The following ADGRV1 variants were observed in gnomAD, a reference collection of about 807,000 sequenced individuals.
ADGRV1 encodes the protein G-protein coupled receptor 98.
ADGRV1 carries 359 observed loss-of-function variants against 596.2 expected under a neutral mutation model. The ratio of observed to expected loss-of-function variants is 0.60; its 90% CI spans 0.55 to 0.66. ADGRV1 has a LOEUF of 0.66. Ranked by LOEUF, ADGRV1 falls within the 30% of genes least tolerant of loss-of-function variation. The pLI, the probability that ADGRV1 is intolerant of heterozygous loss-of-function variation, is 0.00. For missense variants in ADGRV1, 7,274 were observed against 7,575.6 expected (o/e 0.96, Z 1.48); for synonymous variants, 2,681 against 2,679.2 (o/e 1.00, Z -0.02).
At position 90,691,028 on chromosome 5, in the gene ADGRV1, C is replaced by T. The variant is rs199571511; in HGVS notation, c.6938C>T (p.Pro2313Leu). 1.5e-4 allele frequency: 236 copies of T among 1,613,298 alleles called. No homozygotes were observed. The highest frequency in any genetic ancestry group is 1.7e-4 in the Non-Finnish European group (204 of 1,179,576). Residue 2313 changes from proline to leucine, a missense_variant, in exon 31 of 90, where the codon CCG (proline) becomes CTG (leucine). Pro to Leu is a moderately conservative substitution (Grantham distance 98). Coordinates refer to ENST00000405460, the MANE Select transcript of ADGRV1 (RefSeq NM_032119.4). ...TTAGAGGTCCTGGCTGACGACGTTC[C>T]GGAGATTGAAGAGGTGAGAGGACTG... ...LLLEVLADDV[P>L]EIEEVIQVQL...
intron 85 of ADGRV1, among the ~76,000 whole-genome samples, chr5:91,069,046 ACT>A (rs1175889626): frequency 2.6e-5 from 4 of 152,126 alleles, no homozygotes; most frequent in Non-Finnish European, 5.9e-5. Flanking sequence ...CAGGGAAAGG[ACT>A]CTCTATTCAA....
intron 84 of ADGRV1, among the ~76,000 whole-genome samples, chr5:90,977,044 G>A (rs1255780334): frequency 6.6e-6 from 1 of 152,134 alleles, no homozygotes; most frequent in African/African-American, 2.4e-5. Flanking sequence ...TGGTAGAAAG[G>A]CTACTTAGTG....
At chr5:90,735,239 C>T (rs1388367388) in intron 50 of ADGRV1, among the ~76,000 whole-genome samples, 3 of 152,156 alleles carry the variant, frequency 2.0e-5, no homozygotes, top group African/African-American at 7.2e-5. Context: ...ATGTGGATAT[C>T]CAATTTTCTC....
At chr5:90,895,015 A>G (rs1403221111) in intron 83 of ADGRV1, among the ~76,000 whole-genome samples, 2 of 151,870 alleles carry the variant, frequency 1.3e-5, no homozygotes, top group East Asian at 3.9e-4. Flanking sequence ...TGTAGCCTCG[A>G]CTTTCTGAGC....
intron 85 of ADGRV1, among the ~76,000 whole-genome samples, chr5:91,043,433 G>T (rs1268993416): frequency 6.6e-6 from 1 of 152,082 alleles, no homozygotes; most frequent in Admixed American, 6.6e-5. Flanking sequence ...ACATTGCTCA[G>T]TGCCCAGCCC....
intron 1 of ADGRV1, among the ~76,000 whole-genome samples, chr5:90,579,923 G>C (rs1463596292): frequency 6.6e-6 from 1 of 152,062 alleles, no homozygotes; most frequent in Admixed American, 6.6e-5. Flanking sequence ...TCAGAGACTA[G>C]GATTGCAACC....
At chr5:90,754,927 A>G in intron 54 of ADGRV1, 56 bp from the exon 55 acceptor site, 1 of 1,247,222 alleles carries the variant, frequency 8.0e-7, no homozygotes, top group Non-Finnish European at 1.2e-6. Flanking sequence ...GGTCCTTGTA[A>G]CAGCATTGAC....
intron 52 of ADGRV1, among the ~76,000 whole-genome samples, chr5:90,747,072 A>G (rs938817830): frequency 6.6e-6 from 1 of 152,096 alleles, no homozygotes; most frequent in African/African-American, 2.4e-5. Flanking sequence ...GAGGGAGTGG[A>G]GGTTGTATGT....
At chr5:90,971,517 A>G (rs564396378) in intron 84 of ADGRV1, among the ~76,000 whole-genome samples, 14 of 152,350 alleles carry the variant, frequency 9.2e-5, no homozygotes, top group East Asian at 3.9e-4. Flanking sequence ...CAGAAACTCT[A>G]CAAGCCAGAA....
At chr5:90,677,999 G>A (rs777859051) in intron 25 of ADGRV1, among the ~76,000 whole-genome samples, 12 of 152,192 alleles carry the variant, frequency 7.9e-5, no homozygotes, top group Non-Finnish European at 1.6e-4. Context: ...CTGAATAGAT[G>A]TCTTACGCTA....
rs76851519 is a variant in ADGRV1, at chr5:91,146,735, A to C, written c.18433-3295A>C. On this transcript the variant is annotated intron_variant, in intron 87 of 89. Coordinates refer to ENST00000405460, the MANE Select transcript of ADGRV1 (RefSeq NM_032119.4). ...AAATAAGTGAAATAGATGGGAAAAT[A>C]TGGTACTTTTTTGGAAGTTAAGAAG... 9.0e-3 allele frequency among the ~76,000 whole-genome samples: 1,370 copies of C among 152,382 alleles called. 6 individuals are homozygous for C. Among genetic ancestry groups the C allele is most frequent in the Non-Finnish European group, 0.015 (1,007 of 68,040 alleles).
intron 16 of ADGRV1, 56 bp from the exon 17 acceptor site, chr5:90,647,441 GA>G: frequency 1.3e-6 from 2 of 1,545,212 alleles, no homozygotes; most frequent in Non-Finnish European, 1.7e-6. Context: ...AATGTGATCT[GA>G]AAATATGTGA....
chr5:90,988,895 G>A (rs1399147569), intron 85 of ADGRV1, among the ~76,000 whole-genome samples: 2 of 150,670 alleles, frequency 1.3e-5, no homozygotes, highest in Non-Finnish European at 1.5e-5. Context: ...GTGGTGTTTG[G>A]TTTTTTGTCC....
At chr5:90,679,499 T>G (rs778257319) in intron 25 of ADGRV1, 50 bp from the exon 26 acceptor site, 10 of 1,332,494 alleles carry the variant, frequency 7.5e-6, no homozygotes, top group Non-Finnish European at 1.1e-5. Flanking sequence ...AATTTTCTCA[T>G]TGTGTCAATG....
At chr5:90,777,654 C>G (rs1003902561) in intron 61 of ADGRV1, among the ~76,000 whole-genome samples, 1 of 152,090 alleles carries the variant, frequency 6.6e-6, no homozygotes, top group Non-Finnish European at 1.5e-5. Context: ...TTCTTTAAAC[C>G]TTCTGCTTTT....
chr5:90,598,943 C>T (rs1761054410), intron 1 of ADGRV1, among the ~76,000 whole-genome samples: 1 of 152,076 alleles, frequency 6.6e-6, no homozygotes, highest in Non-Finnish European at 1.5e-5. Flanking sequence ...ATTATCCCTC[C>T]AATCCCAGCA....
At chr5:90,806,666 C>CT (rs1761929093) in intron 72 of ADGRV1, among the ~76,000 whole-genome samples, 1 of 152,052 alleles carries the variant, frequency 6.6e-6, no homozygotes, top group South Asian at 2.1e-4. Context: ...TCACATTAGT[C>CT]TTCAAACGCT....
intron 45 of ADGRV1, 51 bp downstream of exon 45, chr5:90,721,110 A>C: frequency 6.7e-7 from 1 of 1,495,270 alleles, no homozygotes; most frequent in Non-Finnish European, 9.2e-7. Context: ...AAAATATTGC[A>C]TGTATAAGAT....
Position 90,673,996 on chromosome 5 carries a change from TAGTA to T in ADGRV1, c.4930-52_4930-49del, listed in dbSNP as rs1772871175. 2.4e-6 allele frequency: 3 copies of T among 1,256,938 alleles called. No individual in the cohort carries two copies. In the African/African-American group the frequency reaches 4.5e-5, roughly 19 times the overall value. The allele number at this position is 1,256,938 out of a possible 1,614,324, so 77.9% of individuals were successfully genotyped here. ...TTTAGTTGCCTTTTGAATTTTCTTC[TAGTA>T]AGTAATTTCTAAATGCCTCATTGCT... On this transcript the variant is annotated intron_variant, in intron 22 of 89. Coordinates refer to ENST00000405460, the MANE Select transcript of ADGRV1 (RefSeq NM_032119.4).
Sources: gnomAD v4.1 joint callset for allele counts (sites outside exome capture counted in the v4.1 genomes callset) on GRCh38, gnomAD v4.1.1 for gene constraint, MANE v1.5 for transcripts, NCBI Gene and HGNC (gene_info 2026-07-23, HGNC 2026-07-21) for gene names.